The following WAPL variants were observed in gnomAD, a reference collection of about 807,000 sequenced individuals.
WAPL encodes the protein wings apart-like protein homolog.
WAPL carries 5 observed loss-of-function variants against 121.0 expected under a neutral mutation model. The observed-to-expected ratio is 0.04, with a 90% confidence interval of 0.02 to 0.09. The LOEUF (loss-of-function observed/expected upper bound fraction) is 0.09. Among genes scored for constraint, WAPL ranks in the 10% least tolerant of loss-of-function variants. WAPL has a pLI of 1.00. For missense variants in WAPL, 999 were observed against 1,410.8 expected (o/e 0.71, Z 4.68); for synonymous variants, 480 against 481.5 (o/e 1.00, Z 0.04).
intron 3 of WAPL, among the ~76,000 whole-genome samples, chr10:86,497,749 C>T (rs1319315470): frequency 1.3e-5 from 2 of 152,142 alleles, no homozygotes; most frequent in African/African-American, 2.4e-5. Flanking sequence ...TCATGTTGGC[C>T]TTCAAAGAAT....
intron 7 of WAPL, among the ~76,000 whole-genome samples, chr10:86,471,934 A>T (rs1841541487): frequency 6.9e-6 from 1 of 145,350 alleles, no homozygotes; most frequent in African/African-American, 2.6e-5. Context: ...CACACAAGGC[A>T]AAAAGATGCT....
intron 14 of WAPL, 134 bp from the exon 15 acceptor site, chr10:86,452,265 A>T: frequency 1.3e-6 from 1 of 786,328 alleles, no homozygotes; most frequent in East Asian, 2.7e-5. Flanking sequence ...GCTAAAAACC[A>T]GTATGAAAGG....
intron 3 of WAPL, among the ~76,000 whole-genome samples, 155 bp downstream of exon 3, chr10:86,499,563 T>C (rs529313622): frequency 1.4e-4 from 21 of 152,368 alleles, no homozygotes; most frequent in Admixed American, 4.6e-4. Flanking sequence ...CAATACGCTA[T>C]AATAAATGTT....
chr10:86,520,416 G>A (rs989936583), intron 1 of WAPL, among the ~76,000 whole-genome samples: 2 of 152,198 alleles, frequency 1.3e-5, no homozygotes, highest in East Asian at 1.9e-4. Flanking sequence ...AATGAGAAGT[G>A]TATAGATGAA....
chr10:86,443,376 A>G lies in WAPL; in HGVS notation c.3323-13T>C, dbSNP rs1371346649. On this transcript the variant is annotated splice_polypyrimidine_tract_variant and intron_variant, in intron 16 of 18. Coordinates refer to ENST00000298767, the MANE Select transcript of WAPL (RefSeq NM_015045.5). ...GCATGCTGAAGGGCTGAGAGAATTG[A>G]AGTAAAGAATTGTAACAGTATATTA... 1.2e-6 allele frequency: 2 copies of G among 1,612,948 alleles called. No individual in the cohort carries two copies. The highest frequency in any genetic ancestry group is 1.7e-6 in the Non-Finnish European group (2 of 1,179,178).
chr10:86,492,729 T>C (rs1378177466), intron 4 of WAPL, among the ~76,000 whole-genome samples: 2 of 152,146 alleles, frequency 1.3e-5, no homozygotes, highest in Non-Finnish European at 2.9e-5. Context: ...AATGCAGAAC[T>C]TTCTGTAAGA....
rs531404303 is a variant in WAPL at position 86,505,300 on chromosome 10, CTTTTTTTT to C, written c.500-4565_500-4558del. ...CAAGCTTCAGCCACAGTGCCCAACT[CTTTTTTTT>C]TTTTTTTTTTTTTTTTTGGAGACAG... On this transcript the variant is annotated intron_variant, in intron 2 of 18. Coordinates refer to ENST00000298767, the MANE Select transcript of WAPL (RefSeq NM_015045.5). Among the ~76,000 whole-genome samples the C allele has an allele frequency of 2.6e-3, 118 of 44,654 alleles. 6 individuals are homozygous for C. The South Asian group carries it at 0.054, about 20-fold the overall frequency. 29.3% of individuals were successfully genotyped at this position (44,654 alleles called of 152,430 possible).
At chr10:86,501,406 G>A (rs981774431) in intron 2 of WAPL, among the ~76,000 whole-genome samples, 5 of 152,090 alleles carry the variant, frequency 3.3e-5, no homozygotes, top group Non-Finnish European at 7.4e-5. Context: ...ATTCATTTTT[G>A]TTGCCTTCAA....
chr10:86,455,169 C>T (rs1435366706), intron 12 of WAPL, among the ~76,000 whole-genome samples: 1 of 152,024 alleles, frequency 6.6e-6, no homozygotes, highest in Non-Finnish European at 1.5e-5. Context: ...GCCCGGCCGC[C>T]ACCCCGTCTG....
intron 17 of WAPL, 94 bp downstream of exon 17, chr10:86,443,181 T>C (rs534285144): frequency 1.0e-6 from 1 of 973,904 alleles, no homozygotes; most frequent in Non-Finnish European, 1.5e-6. Context: ...GGGGAAACAC[T>C]GAAGAAATAA....
At position 86,467,450 on chromosome 10, in the gene WAPL, G is replaced by A. The variant is rs1392243406; in HGVS notation, c.2199C>T (p.Asn733=). ...CTAAGCTAGCTCTATCAAGATCCATGTTCAAACGATCTCTACTCAGTATAT... is the reference window on the plus strand; with the variant it reads ...CTAAGCTAGCTCTATCAAGATCCATATTCAAACGATCTCTACTCAGTATAT... ...LMYILSRDRL[N]MDLDRASLDL... Residue 733 remains asparagine, a synonymous_variant, in exon 9 of 19, where the codon AAC becomes AAT. Transcript: ENST00000298767. 6.2e-7 allele frequency: 1 copy of A among 1,613,868 alleles called. No individual in the cohort carries two copies.
chr10:86,460,307 AG>A, intron 11 of WAPL, 91 bp downstream of exon 11: 1 of 981,460 alleles, frequency 1.0e-6, no homozygotes, highest in South Asian at 1.4e-5. Context: ...GTGAACCTCC[AG>A]GGGTATATAA....
At chr10:86,440,373 C>T (rs371140563) in intron 17 of WAPL, among the ~76,000 whole-genome samples, 19 of 152,010 alleles carry the variant, frequency 1.2e-4, no homozygotes, top group African/African-American at 3.9e-4. Context: ...CTGCAAGCTC[C>T]GCCTCCCGAG....
chr10:86,500,788 TA>T, intron 2 of WAPL, 45 bp from the exon 3 acceptor site: 2 of 1,408,428 alleles, frequency 1.4e-6, no homozygotes, highest in Non-Finnish European at 9.5e-7. Flanking sequence ...GGTATCAACA[TA>T]AAAGTTAATA....
At chr10:86,497,104 G>A (rs1842164143) in intron 4 of WAPL, 97 bp downstream of exon 4, 18 of 984,754 alleles carry the variant, frequency 1.8e-5, no homozygotes, top group Admixed American at 2.4e-5. Flanking sequence ...AAAGACAGTT[G>A]CTATGATGTT....
At chr10:86,484,992 A>C (rs1564578073) in intron 4 of WAPL, among the ~76,000 whole-genome samples, 1 of 151,706 alleles carries the variant, frequency 6.6e-6, no homozygotes, top group Non-Finnish European at 1.5e-5. Context: ...TAAACACCCT[A>C]ACACACACAC....
chr10:86,442,874 C>T (rs1849504447), intron 17 of WAPL, among the ~76,000 whole-genome samples: 1 of 151,816 alleles, frequency 6.6e-6, no homozygotes, highest in Admixed American at 6.6e-5. Flanking sequence ...CCCGTCTCTA[C>T]CAAAAAATAC....
chr10:86,485,088 C>G (rs1841900083), intron 4 of WAPL, among the ~76,000 whole-genome samples: 1 of 140,950 alleles, frequency 7.1e-6, no homozygotes, highest in Non-Finnish European at 1.5e-5. Context: ...CACCCCCCAA[C>G]CCCTACCCCC....
At position 86,437,493 on chromosome 10, in the gene WAPL, T is replaced by C. The variant is rs753092992; in HGVS notation, c.*50A>G. ...TCTTTCATGACTTGACTTTTCTTTG[T>C]CTAAGGATAGCTCCAGCATTACCGA... On this transcript the variant is annotated 3_prime_UTR_variant, in exon 19 of 19. Coordinates refer to ENST00000298767, the MANE Select transcript of WAPL (RefSeq NM_015045.5). The C allele has an allele frequency of 6.3e-7, 1 of 1,586,228 alleles. No homozygotes were observed. Among genetic ancestry groups the C allele is most frequent in the Non-Finnish European group, 8.6e-7 (1 of 1,161,540 alleles).
Sources: allele counts gnomAD v4.1 joint callset (sites outside exome capture counted in the v4.1 genomes callset), GRCh38; gene constraint gnomAD v4.1.1; transcripts MANE v1.5; gene names NCBI Gene and HGNC (gene_info 2026-07-23, HGNC 2026-07-21).